The following SLC35F3 variants were observed in gnomAD, a reference collection of about 807,000 sequenced individuals.
SLC35F3 encodes solute carrier family 35 member F3.
SLC35F3 carries 25 observed loss-of-function variants against 49.9 expected under a neutral mutation model. The observed-to-expected ratio is 0.50, with a 90% confidence interval of 0.37 to 0.70. The LOEUF (loss-of-function observed/expected upper bound fraction) is 0.70. Among genes scored for constraint, SLC35F3 ranks in the 30% least tolerant of loss-of-function variants. The pLI is 0.00. For synonymous variants in SLC35F3, 275 were observed against 265.4 expected (o/e 1.04, Z -0.35); for missense variants, 525 against 639.8 (o/e 0.82, Z 1.94).
chr1:234,145,116 G>T (rs1335094521), intron 2 of SLC35F3, among the ~76,000 whole-genome samples: 1 of 152,180 alleles, frequency 6.6e-6, no homozygotes, highest in Non-Finnish European at 1.5e-5. Flanking sequence ...AGCCCTGAGG[G>T]TTTTCACTGT....
intron 2 of SLC35F3, among the ~76,000 whole-genome samples, chr1:233,993,677 A>G (rs1371692780): frequency 6.6e-6 from 1 of 152,162 alleles, no homozygotes; most frequent in Non-Finnish European, 1.5e-5. Flanking sequence ...AGTCGAGCCC[A>G]GAGCTGGCCT....
chr1:234,226,986 C>T (rs1281812303), intron 2 of SLC35F3, among the ~76,000 whole-genome samples: 5 of 151,932 alleles, frequency 3.3e-5, no homozygotes, highest in Non-Finnish European at 7.4e-5. Context: ...CACACACACA[C>T]GTGCTCAATG....
At chr1:234,158,648 G>T (rs1666185339) in intron 2 of SLC35F3, among the ~76,000 whole-genome samples, 1 of 152,032 alleles carries the variant, frequency 6.6e-6, no homozygotes, top group African/African-American at 2.4e-5. Flanking sequence ...ACATTCTTCT[G>T]GTTTAATATT....
chr1:234,097,538 A>T (rs941588960), intron 2 of SLC35F3, among the ~76,000 whole-genome samples: 4 of 152,038 alleles, frequency 2.6e-5, no homozygotes, highest in Non-Finnish European at 5.9e-5. Context: ...CTACACACAC[A>T]TACACGCACA....
intron 3 of SLC35F3, among the ~76,000 whole-genome samples, chr1:234,246,725 A>G (rs1667636575): frequency 6.6e-6 from 1 of 152,242 alleles, no homozygotes; most frequent in African/African-American, 2.4e-5. Context: ...GGGACCTAGC[A>G]TTAATAAAAA....
intron 2 of SLC35F3, among the ~76,000 whole-genome samples, chr1:233,917,915 G>A (rs1369956562): frequency 6.6e-6 from 1 of 152,246 alleles, no homozygotes; most frequent in Non-Finnish European, 1.5e-5. Flanking sequence ...GTCGACAACA[G>A]TAAGATCTGG....
At chr1:234,176,379 A>C (rs1256957123) in intron 2 of SLC35F3, among the ~76,000 whole-genome samples, 1 of 152,204 alleles carries the variant, frequency 6.6e-6, no homozygotes, top group African/African-American at 2.4e-5. Context: ...CCTATTCCCA[A>C]CCTGGACAAA....
At chr1:233,919,610 C>G (rs1244728849) in intron 2 of SLC35F3, among the ~76,000 whole-genome samples, 1 of 152,182 alleles carries the variant, frequency 6.6e-6, no homozygotes, top group Non-Finnish European at 1.5e-5. Flanking sequence ...GCAAAATAGA[C>G]AGTTTTTAAA....
At chr1:234,003,766 A>G (rs1663588494) in intron 2 of SLC35F3, among the ~76,000 whole-genome samples, 1 of 152,246 alleles carries the variant, frequency 6.6e-6, no homozygotes, top group South Asian at 2.1e-4. Flanking sequence ...CATGATAGTC[A>G]AACGACAAAC....
At chr1:234,050,273 T>A (rs1032527750) in intron 2 of SLC35F3, among the ~76,000 whole-genome samples, 2 of 152,132 alleles carry the variant, frequency 1.3e-5, no homozygotes, top group African/African-American at 2.4e-5. Context: ...AAGTGTTCCT[T>A]TTTCTCCACA....
rs146575717 is a variant in SLC35F3, at chr1:233,944,591, A to G, written c.283+38833A>G. 7.0e-3 allele frequency among the ~76,000 whole-genome samples: 1,060 copies of G among 152,284 alleles called. 11 individuals carry two copies. Among genetic ancestry groups the G allele is most frequent in the African/African-American group, 0.021 (861 of 41,554 alleles). ...CTCTGGATTGACTGTGTTTTTACCC[A>G]TTGGCTGAGGCAGACATCCAAAGCC... On this transcript the variant is annotated intron_variant, in intron 2 of 7. Coordinates refer to ENST00000366618, the MANE Select transcript of SLC35F3 (RefSeq NM_173508.4).
At chr1:234,241,572 C>T (rs1043417606) in intron 3 of SLC35F3, among the ~76,000 whole-genome samples, 4 of 151,950 alleles carry the variant, frequency 2.6e-5, no homozygotes, top group African/African-American at 7.3e-5. Context: ...CCCATTTCTA[C>T]TAAAAATACA....
chr1:233,931,780 A>G (rs1662246632), intron 2 of SLC35F3, among the ~76,000 whole-genome samples: 1 of 152,254 alleles, frequency 6.6e-6, no homozygotes, highest in African/African-American at 2.4e-5. Context: ...TGACCCAGCC[A>G]TCCCATTACT....
At chr1:233,926,399 A>G (rs1299335738) in intron 2 of SLC35F3, among the ~76,000 whole-genome samples, 2 of 152,064 alleles carry the variant, frequency 1.3e-5, no homozygotes, top group African/African-American at 2.4e-5. Flanking sequence ...TCAATCACTG[A>G]TACCTTTCTT....
intron 2 of SLC35F3, among the ~76,000 whole-genome samples, chr1:234,155,816 G>A (rs1258867771): frequency 2.7e-5 from 4 of 150,222 alleles, no homozygotes; most frequent in Admixed American, 2.0e-4. Context: ...AACCAATAGG[G>A]TGGAGTAATT....
At chr1:234,224,052 T>TTTTGTTTGTTTG (rs57014018) in intron 2 of SLC35F3, among the ~76,000 whole-genome samples, 19 of 150,280 alleles carry the variant, frequency 1.3e-4, no homozygotes, top group Admixed American at 2.6e-4. Context: ...TTTTTCGGTT[T>TTTTGTTTGTTTG]TTTGTTTGTT....
chr1:233,947,068 A>G (rs1233022689), intron 2 of SLC35F3, among the ~76,000 whole-genome samples: 3 of 152,178 alleles, frequency 2.0e-5, no homozygotes, highest in Admixed American at 6.5e-5. Context: ...ATCTGTTACC[A>G]TGGATAGATC....
chr1:234,193,366 G>A (rs1358775078), intron 2 of SLC35F3, among the ~76,000 whole-genome samples: 1 of 152,134 alleles, frequency 6.6e-6, no homozygotes, highest in Non-Finnish European at 1.5e-5. Flanking sequence ...TTCAACAAAT[G>A]GTGTGGGGAT....
intron 2 of SLC35F3, among the ~76,000 whole-genome samples, chr1:234,183,995 T>C (rs13376616): frequency 0.082 from 12,469 of 151,832 alleles, 1,871 homozygotes; most frequent in African/African-American, 0.25. Flanking sequence ...CTATCAGCTA[T>C]AACAAAAAAA....
Sources: gnomAD v4.1 joint callset for allele counts (sites outside exome capture counted in the v4.1 genomes callset) on GRCh38, gnomAD v4.1.1 for gene constraint, MANE v1.5 for transcripts, NCBI Gene and HGNC (gene_info 2026-07-23, HGNC 2026-07-21) for gene names.